PHIP: variants seen among roughly 807,000 people sequenced by gnomAD.
PHIP encodes the protein PH-interacting protein.
PHIP carries 54 observed loss-of-function variants against 236.8 expected under a neutral mutation model. That is an observed-to-expected ratio of 0.23 (90% CI 0.18 to 0.29). The LOEUF (loss-of-function observed/expected upper bound fraction) is 0.29, where lower values mean the gene tolerates loss of function less well. PHIP is among the 10% of genes least tolerant of loss of function. PHIP has a pLI of 1.00. For missense variants in PHIP, 1,370 were observed against 2,190.8 expected, an observed-to-expected ratio of 0.63 and a Z score of 7.48; for synonymous variants, 756 against 718.9, an observed-to-expected ratio of 1.05 and a Z score of -0.83.
At chr6:78,980,361 A>G (rs1234495193) in intron 23 of PHIP, among the ~76,000 whole-genome samples, 1 of 152,048 alleles carries the variant, frequency 6.6e-6, no homozygotes, top group Non-Finnish European at 1.5e-5. Flanking sequence ...GTTCAGGGTG[A>G]TTCACACCAA....
At chr6:78,961,249 C>T (rs1434731042) in intron 31 of PHIP, among the ~76,000 whole-genome samples, 1 of 151,706 alleles carries the variant, frequency 6.6e-6, no homozygotes, top group African/African-American at 2.4e-5. Context: ...TAATGATAAG[C>T]TGAATACAGG....
At position 79,071,218 on chromosome 6, in the gene PHIP, C is replaced by T. The variant is rs77405326; in HGVS notation, c.189+6230G>A. Among the ~76,000 whole-genome samples the T allele has an allele frequency of 5.5e-3, 840 of 152,280 alleles. 5 individuals carry two copies. Among genetic ancestry groups the T allele is most frequent in the Non-Finnish European group, 8.3e-3 (567 of 68,026 alleles). ...GACCTGCCTCACAACTGATGATTGC[C>T]TTCTCTGTAGTAACTTGTCAACTTA... On this transcript the variant is annotated intron_variant, in intron 4 of 39. Transcript: ENST00000275034.
chr6:78,963,275 T>A, intron 29 of PHIP, 23 bp from the exon 30 acceptor site: 1 of 1,578,274 alleles, frequency 6.3e-7, no homozygotes. Context: ...AGCAGATCAT[T>A]GCAAATACAT....
At chr6:79,070,278 G>A (rs1773817629) in intron 4 of PHIP, among the ~76,000 whole-genome samples, 1 of 152,180 alleles carries the variant, frequency 6.6e-6, no homozygotes, top group East Asian at 1.9e-4. Flanking sequence ...GGAATCTGAT[G>A]AAAAGTTACT....
intron 15 of PHIP, among the ~76,000 whole-genome samples, chr6:79,007,164 G>A (rs992160071): frequency 6.6e-6 from 1 of 151,994 alleles, no homozygotes; most frequent in African/African-American, 2.4e-5. Flanking sequence ...AAAAACTTAT[G>A]AGCTAAGAGC....
At chr6:78,981,875 C>T (rs1768560544) in intron 23 of PHIP, among the ~76,000 whole-genome samples, 1 of 151,878 alleles carries the variant, frequency 6.6e-6, no homozygotes, top group Non-Finnish European at 1.5e-5. Context: ...GGTAAAGCTT[C>T]CCCAAACAAA....
chr6:79,021,389 C>T (rs1222060623), intron 9 of PHIP, among the ~76,000 whole-genome samples: 1 of 152,198 alleles, frequency 6.6e-6, no homozygotes, highest in African/African-American at 2.4e-5. Context: ...CTCAGGTCAT[C>T]TGCCTGCCTT....
rs1263381574 is a variant in PHIP at position 79,019,168 on chromosome 6, C to CA, written c.924-10dup. 1.0e-5 allele frequency: 16 copies of CA among 1,597,528 alleles called. No individual in the cohort carries two copies. Among genetic ancestry groups the CA allele is most frequent in the African/African-American group, 8.1e-5 (6 of 74,400 alleles). ...ATTTTGCAGGTCTTGGGCTGTAATACAAAAAATAAAGAATTAAAAATATCC... is the reference window on the plus strand; with the variant it reads ...ATTTTGCAGGTCTTGGGCTGTAATACAAAAAAATAAAGAATTAAAAATATCC... On this transcript the variant is annotated splice_polypyrimidine_tract_variant and intron_variant, in intron 9 of 39. Coordinates refer to ENST00000275034, the MANE Select transcript of PHIP (RefSeq NM_017934.7).
chr6:79,075,367 T>G (rs1582331191), intron 4 of PHIP, among the ~76,000 whole-genome samples: 1 of 152,076 alleles, frequency 6.6e-6, no homozygotes, highest in East Asian at 1.9e-4. Context: ...GTCAAAGAAC[T>G]CCAAGTTCTA....
intron 30 of PHIP, among the ~76,000 whole-genome samples, chr6:78,962,131 T>A (rs1436168749): frequency 2.0e-5 from 3 of 152,184 alleles, no homozygotes. Flanking sequence ...GAATCTATAT[T>A]TGGCAAAGCC....
At chr6:78,944,067 G>A (rs1022186621) in intron 39 of PHIP, among the ~76,000 whole-genome samples, 6 of 147,796 alleles carry the variant, frequency 4.1e-5, no homozygotes, top group East Asian at 2.0e-4. Flanking sequence ...TAAAGAAGAC[G>A]ATATTTTAAG....
intron 19 of PHIP, among the ~76,000 whole-genome samples, chr6:78,991,616 G>T (rs1402792840): frequency 3.3e-5 from 5 of 151,988 alleles, no homozygotes; most frequent in African/African-American, 1.2e-4. Flanking sequence ...TTTTTGAAAT[G>T]CAAGGGTATT....
intron 19 of PHIP, among the ~76,000 whole-genome samples, chr6:78,994,934 T>C (rs1359740561): frequency 2.0e-5 from 3 of 152,214 alleles, no homozygotes; most frequent in Non-Finnish European, 2.9e-5. Flanking sequence ...TAACAGATTA[T>C]AGAATAGTAT....
chr6:79,013,258 C>CA (rs1443607847), intron 15 of PHIP, among the ~76,000 whole-genome samples: 5 of 151,636 alleles, frequency 3.3e-5, no homozygotes, highest in Admixed American at 1.3e-4. Flanking sequence ...AAACATCATA[C>CA]AAAAAATTAA....
At chr6:79,015,324 A>C (rs1770785184) in intron 14 of PHIP, 108 bp from the exon 15 acceptor site, 1 of 944,628 alleles carries the variant, frequency 1.1e-6, no homozygotes, top group Non-Finnish European at 1.6e-6. Flanking sequence ...AGTTTTAAGA[A>C]GTATTAAATT....
chr6:79,051,455 T>C (rs779302807), intron 6 of PHIP, among the ~76,000 whole-genome samples: 7 of 152,198 alleles, frequency 4.6e-5, no homozygotes, highest in Non-Finnish European at 8.8e-5. Flanking sequence ...GCACCCATGA[T>C]AGCTTCTCTC....
chr6:79,008,188 T>TAA (rs774861393), intron 15 of PHIP, among the ~76,000 whole-genome samples: 12 of 138,864 alleles, frequency 8.6e-5, no homozygotes, highest in Admixed American at 7.2e-4. Flanking sequence ...AGACTCCGTC[T>TAA]AAAAAAAAAA....
intron 24 of PHIP, among the ~76,000 whole-genome samples, chr6:78,975,863 G>T (rs1474389202): frequency 3.4e-5 from 5 of 147,830 alleles, no homozygotes; most frequent in Admixed American, 2.0e-4. Flanking sequence ...CACTGCTCAA[G>T]GAAATAAAAG....
chr6:78,945,789 T>A (rs1180855870), intron 38 of PHIP: 2 of 590,944 alleles, frequency 3.4e-6, no homozygotes, highest in African/African-American at 3.8e-5. Context: ...TAGATCAGAG[T>A]TGCCATTTTT....
Sources: allele counts gnomAD v4.1 joint callset (sites outside exome capture counted in the v4.1 genomes callset), GRCh38; gene constraint gnomAD v4.1.1; transcripts MANE v1.5; gene names NCBI Gene and HGNC (gene_info 2026-07-23, HGNC 2026-07-21).